The following SNTA1 variants were observed in gnomAD, a reference collection of about 807,000 sequenced individuals.
SNTA1 encodes syntrophin alpha 1.
In SNTA1, 31 loss-of-function variants were observed where a neutral mutation model predicts 47.1. The observed-to-expected ratio is 0.66, with a 90% CI of 0.49 to 0.89. The LOEUF is 0.89. Among genes scored for constraint, SNTA1 ranks in the 40% least tolerant of loss-of-function variants. The probability of loss-of-function intolerance (pLI) is 0.00; values close to 1 mark genes in which losing one functional copy is unlikely to be tolerated. For synonymous variants in SNTA1, 300 were observed against 313.6 expected, an observed-to-expected ratio of 0.96 and a Z score of 0.46; for missense variants, 575 against 693.0, an observed-to-expected ratio of 0.83 and a Z score of 1.91.
At chr20:33,427,163 T>A (rs1990188939) in intron 2 of SNTA1, among the ~76,000 whole-genome samples, 1 of 152,100 alleles carries the variant, frequency 6.6e-6, no homozygotes, top group Non-Finnish European at 1.5e-5. Context: ...CAGGGCTGTC[T>A]GGAGATAGCA....
intron 3 of SNTA1, among the ~76,000 whole-genome samples, chr20:33,413,530 C>T (rs1336021312): frequency 6.6e-6 from 1 of 152,032 alleles, no homozygotes; most frequent in Non-Finnish European, 1.5e-5. Flanking sequence ...TAATCTTGCC[C>T]CTTTCTCCTG....
In SNTA1 at chr20:33,408,649, C is replaced by T. The variant is rs77750269; in HGVS notation, c.1426-50G>A. 5,203 of 1,610,134 alleles carry T rather than the reference C, an allele frequency of 3.2e-3. 125 individuals are homozygous for T. The African/African-American group carries it at 0.058, about 18-fold the overall frequency. ...TCAGGGCCCTGGCCAGCCTGGCCTC[C>T]GAGAGTGCACACCCCCTCCTCCCCA... On this transcript the variant is annotated intron_variant, in intron 7 of 7. Coordinates refer to ENST00000217381, the MANE Select transcript of SNTA1 (RefSeq NM_003098.3).
chr20:33,409,238 A>G (rs962663357), intron 6 of SNTA1, among the ~76,000 whole-genome samples: 11 of 152,128 alleles, frequency 7.2e-5, no homozygotes, highest in Non-Finnish European at 1.2e-4. Context: ...CAGATAAACA[A>G]TGACTAATTT....
rs751651742 is a variant in SNTA1 at position 33,443,411 on chromosome 20, C to G, written c.210G>C (p.Pro70=). 2.1e-4 allele frequency: 277 copies of G among 1,340,884 alleles called. No homozygotes were observed. The highest frequency in any genetic ancestry group is 2.1e-4 in the Non-Finnish European group (217 of 1,053,930). 83.1% of individuals were successfully genotyped at this position (1,340,884 alleles called of 1,614,324 possible). Residue 70 remains proline (P), a synonymous_variant, in exon 1 of 8, where the codon CCG becomes CCC. Coordinates refer to ENST00000217381, the MANE Select transcript of SNTA1 (RefSeq NM_003098.3). ...CTGGCAGCTGCGGGGGCCCGGCGCC[C>G]GGCTCCGCGGCGCCGTTGAGCTGCG... ...EPAQLNGAAE[P]GAGPPQLPEA...
intron 2 of SNTA1, among the ~76,000 whole-genome samples, chr20:33,436,006 A>G (rs1990432329): frequency 6.6e-6 from 1 of 152,084 alleles, no homozygotes. Context: ...CATCCTGGCT[A>G]ACACGGTGAA....
chr20:33,419,946 C>T (rs1270664862), intron 2 of SNTA1, among the ~76,000 whole-genome samples: 9 of 151,522 alleles, frequency 5.9e-5, no homozygotes, highest in African/African-American at 2.2e-4. Flanking sequence ...TTTTTTGTGA[C>T]AGAGTCTCAC....
intron 2 of SNTA1, among the ~76,000 whole-genome samples, chr20:33,437,428 G>GAA (rs5841143): frequency 2.5e-5 from 3 of 121,048 alleles, no homozygotes; most frequent in Non-Finnish European, 5.2e-5. Context: ...ACCCTGTCTC[G>GAA]AAAAAAAAAA....
intron 2 of SNTA1, among the ~76,000 whole-genome samples, chr20:33,425,832 G>A (rs1420112411): frequency 5.3e-5 from 8 of 152,158 alleles, no homozygotes; most frequent in Admixed American, 1.3e-4. Flanking sequence ...AGTGCTTCGC[G>A]AGGTCGAGGC....
chr20:33,442,261 G>A (rs566280372), intron 1 of SNTA1, among the ~76,000 whole-genome samples: 25 of 152,204 alleles, frequency 1.6e-4, no homozygotes, highest in Admixed American at 1.4e-3. Context: ...CAAGCCAAAC[G>A]GTCTGGAGGC....
intron 6 of SNTA1, among the ~76,000 whole-genome samples, chr20:33,409,443 A>C (rs1989683261): frequency 6.6e-6 from 1 of 151,386 alleles, no homozygotes; most frequent in Non-Finnish European, 1.5e-5. Context: ...CACATCCAAA[A>C]CAGAGGGCCC....
intron 2 of SNTA1, among the ~76,000 whole-genome samples, chr20:33,427,135 C>A (rs997529556): frequency 6.6e-6 from 1 of 151,636 alleles, no homozygotes; most frequent in Non-Finnish European, 1.5e-5. Context: ...AAAGCACCTT[C>A]TCCTGCCTGG....
chr20:33,415,349 C>G (rs1033798159), intron 3 of SNTA1, among the ~76,000 whole-genome samples: 2 of 152,208 alleles, frequency 1.3e-5, no homozygotes, highest in Non-Finnish European at 2.9e-5. Context: ...ACTACTTCAC[C>G]TTCACACTCA....
At chr20:33,418,004 G>T in intron 2 of SNTA1, 81 bp from the exon 3 acceptor site, 1 of 955,330 alleles carries the variant, frequency 1.0e-6, no homozygotes, top group Non-Finnish European at 1.7e-6. Flanking sequence ...TTTATTAAGA[G>T]TTTAATTTAC....
At chr20:33,442,584 C>T (rs934383777) in intron 1 of SNTA1, among the ~76,000 whole-genome samples, 2 of 152,180 alleles carry the variant, frequency 1.3e-5, no homozygotes, top group Admixed American at 6.5e-5. Context: ...TCCTCTTATA[C>T]AGTTGAGGAA....
chr20:33,417,252 T>C (rs139330610), intron 3 of SNTA1, among the ~76,000 whole-genome samples: 1 of 152,022 alleles, frequency 6.6e-6, no homozygotes, highest in African/African-American at 2.4e-5. Context: ...ACTCAGTAAA[T>C]GTTAGGTGGT....
chr20:33,425,830 G>A (rs562403429), intron 2 of SNTA1, among the ~76,000 whole-genome samples: 3 of 152,254 alleles, frequency 2.0e-5, no homozygotes, highest in South Asian at 2.1e-4. Flanking sequence ...CCAGTGCTTC[G>A]CGAGGTCGAG....
In SNTA1 at chr20:33,408,502, G is replaced by T; in HGVS notation, c.*5C>A. On this transcript the variant is annotated 3_prime_UTR_variant, in exon 8 of 8. Coordinates refer to ENST00000217381, the MANE Select transcript of SNTA1 (RefSeq NM_003098.3). The stretch of plus-strand genomic sequence containing the variant: ...CCTCTTCAGGGCTAGTGCATCCGGC[G>T]ACTTCTAGGCCAACAGCCCGAGGCG... 6.2e-7 allele frequency: 1 copy of T among 1,608,428 alleles called. No individual in the cohort carries two copies. Among genetic ancestry groups the T allele is most frequent in the South Asian group, 1.1e-5 (1 of 90,914 alleles).
Position 33,443,525 on chromosome 20 carries a change from C to T in SNTA1, c.96G>A (p.Leu32=). 7.4e-7 allele frequency: 1 copy of T among 1,355,864 alleles called. No homozygotes were observed. Among genetic ancestry groups the T allele is most frequent in the South Asian group, 1.7e-5 (1 of 60,036 alleles). 84.0% of individuals were successfully genotyped at this position (1,355,864 alleles called of 1,614,324 possible). The part of the protein sequence containing the change: ...GAGGERWQRV[L]LSLAEDVLTV... ...TCAGCACGTCCTCCGCCAGACTCAG[C>T]AGCACCCGCTGCCATCGCTCGCCGC... Residue 32 remains leucine (L), a synonymous_variant, in exon 1 of 8, where the codon CTG becomes CTA. Transcript: ENST00000217381.
intron 2 of SNTA1, among the ~76,000 whole-genome samples, chr20:33,430,110 C>T (rs577251384): frequency 5.3e-4 from 81 of 152,202 alleles, no homozygotes; most frequent in African/African-American, 1.7e-3. Context: ...CTCGTATCAA[C>T]TCGGAAGCCT....
Sources: allele counts gnomAD v4.1 joint callset (sites outside exome capture counted in the v4.1 genomes callset), GRCh38; gene constraint gnomAD v4.1.1; transcripts MANE v1.5; gene names NCBI Gene and HGNC (gene_info 2026-07-23, HGNC 2026-07-21).